LRP1B: variants seen among roughly 807,000 people sequenced by gnomAD.
The protein encoded by LRP1B is LDL receptor related protein 1B.
A neutral mutation model predicts 556.6 loss-of-function variants in LRP1B; 217 were observed. The observed-to-expected ratio is 0.39, with a 90% CI of 0.35 to 0.44. The LOEUF (loss-of-function observed/expected upper bound fraction) is 0.44, where lower values mean the gene tolerates loss of function less well. Ranked by LOEUF, LRP1B falls within the 20% of genes least tolerant of loss-of-function variation. The pLI is 1.00. For synonymous variants in LRP1B, 2,047 were observed against 1,865.8 expected, an observed-to-expected ratio of 1.10 and a Z score of -2.50; for missense variants, 5,053 against 5,620.8, an observed-to-expected ratio of 0.90 and a Z score of 3.23.
intron 11 of LRP1B, among the ~76,000 whole-genome samples, chr2:141,022,960 A>G (rs565642874): frequency 2.0e-5 from 3 of 151,848 alleles, no homozygotes; most frequent in East Asian, 1.9e-4. Flanking sequence ...CAAAATACCC[A>G]TTTTCATGCA....
Position 141,366,351 on chromosome 2 carries a change from T to C in LRP1B, c.344-111710A>G, listed in dbSNP as rs114496383. On this transcript the variant is annotated intron_variant, in intron 3 of 90. Transcript: ENST00000389484. The stretch of plus-strand genomic sequence containing the variant: ...TTGTGATCTGAAATCTTTAGTTACA[T>C]AGTTGAAATAAACACAATAACTAAG... 2.5e-3 allele frequency among the ~76,000 whole-genome samples: 385 copies of C among 152,328 alleles called. 2 individuals carry two copies. Among genetic ancestry groups the C allele is most frequent in the African/African-American group, 8.9e-3 (370 of 41,576 alleles).
At chr2:140,903,686 TTACTTTATCC>T (rs1311887214) in intron 22 of LRP1B, among the ~76,000 whole-genome samples, 1 of 152,006 alleles carries the variant, frequency 6.6e-6, no homozygotes, top group East Asian at 1.9e-4. Flanking sequence ...GCAGAATGGA[TTACTTTATCC>T]TTTACCAGCT....
chr2:140,462,119 T>C (rs1449597902), intron 60 of LRP1B, among the ~76,000 whole-genome samples: 1 of 152,202 alleles, frequency 6.6e-6, no homozygotes, highest in Non-Finnish European at 1.5e-5. Flanking sequence ...TTTACAAACA[T>C]ATCAAATCAA....
chr2:141,134,017 T>A (rs960055256), intron 7 of LRP1B, among the ~76,000 whole-genome samples: 2 of 151,806 alleles, frequency 1.3e-5, no homozygotes, highest in African/African-American at 4.8e-5. Flanking sequence ...AGGGACTTGA[T>A]CTCTTACTCT....
chr2:141,252,853 A>G (rs1281783262), intron 4 of LRP1B, among the ~76,000 whole-genome samples: 3 of 152,164 alleles, frequency 2.0e-5, no homozygotes, highest in Non-Finnish European at 4.4e-5. Flanking sequence ...CTTGGCTCTC[A>G]AGGAGTATAG....
chr2:141,088,085 TTC>T (rs1331485461), intron 7 of LRP1B, among the ~76,000 whole-genome samples: 4 of 152,154 alleles, frequency 2.6e-5, no homozygotes, highest in Admixed American at 6.5e-5. Flanking sequence ...CAAAAAGACA[TTC>T]TTTTTTTTTG....
chr2:140,446,373 C>G (rs1453068025), intron 63 of LRP1B, among the ~76,000 whole-genome samples: 4 of 151,946 alleles, frequency 2.6e-5, no homozygotes, highest in African/African-American at 9.7e-5. Flanking sequence ...TTTGTGATGC[C>G]AGAGAATTTT....
chr2:141,869,974 TG>T (rs1698530596), intron 1 of LRP1B, among the ~76,000 whole-genome samples: 1 of 152,084 alleles, frequency 6.6e-6, no homozygotes, highest in African/African-American at 2.4e-5. Flanking sequence ...TTTTATTTAC[TG>T]TAAGCTAAAG....
At chr2:141,219,820 C>T (rs1484456825) in intron 6 of LRP1B, among the ~76,000 whole-genome samples, 1 of 152,050 alleles carries the variant, frequency 6.6e-6, no homozygotes, top group Non-Finnish European at 1.5e-5. Flanking sequence ...GCAGTTGTCC[C>T]CCAGTAAGCC....
intron 18 of LRP1B, among the ~76,000 whole-genome samples, chr2:140,966,431 G>A (rs1033228180): frequency 8.6e-5 from 13 of 152,046 alleles, no homozygotes; most frequent in Non-Finnish European, 1.8e-4. Context: ...TGAGTTCTTT[G>A]TAGATTCTGG....
Position 140,523,713 on chromosome 2 carries a change from A to G in LRP1B, c.8026+2131T>C, listed in dbSNP as rs181888278. On this transcript the variant is annotated intron_variant, in intron 49 of 90. Transcript: ENST00000389484. ...TTAATGTATAAAAATCAGTAGCATT[A>G]CTATACACAAAGTTCAAGCTGAGGG... 7.9e-5 allele frequency among the ~76,000 whole-genome samples: 12 copies of G among 152,042 alleles called. No homozygotes were observed. In the East Asian group the frequency reaches 2.1e-3, roughly 27 times the overall value.
chr2:141,486,837 C>T (rs1020515003), intron 2 of LRP1B, among the ~76,000 whole-genome samples: 8 of 152,056 alleles, frequency 5.3e-5, no homozygotes, highest in Admixed American at 5.2e-4. Context: ...TTCTTCAAAA[C>T]ATAGACTGCA....
chr2:141,510,902 A>ACACCC (rs751825187), intron 2 of LRP1B, among the ~76,000 whole-genome samples: 1 of 43,926 alleles, frequency 2.3e-5, no homozygotes, highest in Admixed American at 2.9e-4. Flanking sequence ...ACACACACAC[A>ACACCC]CACACACCCC....
chr2:140,516,339 T>C (rs575768402), intron 50 of LRP1B, among the ~76,000 whole-genome samples: 1 of 152,016 alleles, frequency 6.6e-6, no homozygotes. Context: ...ATTAACATAA[T>C]ATTTACATTG....
At chr2:141,831,970 T>A (rs1240713344) in intron 1 of LRP1B, among the ~76,000 whole-genome samples, 1 of 151,682 alleles carries the variant, frequency 6.6e-6, no homozygotes, top group East Asian at 1.9e-4. Context: ...CTTTCTACAT[T>A]GGAAATTCTG....
intron 2 of LRP1B, among the ~76,000 whole-genome samples, chr2:141,554,718 T>G (rs952053840): frequency 1.3e-5 from 2 of 152,022 alleles, no homozygotes; most frequent in African/African-American, 4.8e-5. Flanking sequence ...CACATATACC[T>G]ACCTAGATTT....
At chr2:140,398,519 T>TTGTTGTTGTTG (rs1684353186) in intron 66 of LRP1B, among the ~76,000 whole-genome samples, 1 of 151,186 alleles carries the variant, frequency 6.6e-6, no homozygotes, top group Non-Finnish European at 1.5e-5. Flanking sequence ...TTCTTTCTCT[T>TTGTTGTTGTTG]TTGTTGTTGT....
At chr2:140,235,837 G>A (rs1262330649) in intron 89 of LRP1B, among the ~76,000 whole-genome samples, 2 of 150,942 alleles carry the variant, frequency 1.3e-5, no homozygotes, top group African/African-American at 4.8e-5. Context: ...TATGAAAAAT[G>A]TGTAAAGTAT....
intron 1 of LRP1B, among the ~76,000 whole-genome samples, chr2:142,002,344 T>C (rs948506024): frequency 3.3e-5 from 5 of 152,076 alleles, no homozygotes; most frequent in African/African-American, 1.2e-4. Context: ...ATGGCCTCTT[T>C]TCTCTAAAAT....
Sources: allele counts gnomAD v4.1 joint callset (sites outside exome capture counted in the v4.1 genomes callset), GRCh38; gene constraint gnomAD v4.1.1; transcripts MANE v1.5; gene names NCBI Gene and HGNC (gene_info 2026-07-23, HGNC 2026-07-21).